DENND1A: variants seen among roughly 807,000 people sequenced by gnomAD.
DENND1A encodes DENN domain containing 1A.
A neutral mutation model predicts 113.7 loss-of-function variants in DENND1A; 51 were observed. That is an observed-to-expected ratio of 0.45 (90% CI 0.36 to 0.57). DENND1A has a LOEUF of 0.57. Among genes scored for constraint, DENND1A ranks in the 20% least tolerant of loss-of-function variants. DENND1A has a pLI of 0.00. For missense variants in DENND1A, 1,258 were observed against 1,395.9 expected (o/e 0.90, Z 1.57); for synonymous variants, 565 against 570.8 (o/e 0.99, Z 0.14).
chr9:123,818,621 A>G (rs1183612329), intron 2 of DENND1A, among the ~76,000 whole-genome samples: 1 of 151,860 alleles, frequency 6.6e-6, no homozygotes, highest in East Asian at 1.9e-4. Context: ...GTCTAAACAC[A>G]AAATTCATTT....
chr9:123,913,113 T>TAA (rs915063969), intron 1 of DENND1A, among the ~76,000 whole-genome samples: 104 of 86,630 alleles, frequency 1.2e-3, no homozygotes, highest in African/African-American at 1.6e-3. Context: ...AAAGACAGTT[T>TAA]AAAAAAAAAA....
intron 13 of DENND1A, among the ~76,000 whole-genome samples, chr9:123,473,222 G>A (rs2049597010): frequency 6.6e-6 from 1 of 152,180 alleles, no homozygotes; most frequent in Non-Finnish European, 1.5e-5. Context: ...TTCTGAAGAA[G>A]AGGCACACAG....
At chr9:123,640,772 A>G (rs1200538929) in intron 9 of DENND1A, among the ~76,000 whole-genome samples, 1 of 152,140 alleles carries the variant, frequency 6.6e-6, no homozygotes, top group African/African-American at 2.4e-5. Context: ...TACTATCCCC[A>G]TTTTCACAGA....
chr9:123,838,513 C>T (rs1295456287), intron 2 of DENND1A, among the ~76,000 whole-genome samples: 1 of 152,050 alleles, frequency 6.6e-6, no homozygotes, highest in Non-Finnish European at 1.5e-5. Context: ...TCTGCTAGTG[C>T]TTTAACTGAA....
chr9:123,419,835 C>T (rs978627374), intron 19 of DENND1A, among the ~76,000 whole-genome samples: 4 of 152,240 alleles, frequency 2.6e-5, no homozygotes, highest in Non-Finnish European at 4.4e-5. Context: ...TCGCTGTCTC[C>T]GATCCTCTCT....
intron 1 of DENND1A, among the ~76,000 whole-genome samples, chr9:123,913,004 C>G (rs572427610): frequency 6.7e-6 from 1 of 150,278 alleles, no homozygotes; most frequent in Non-Finnish European, 1.5e-5. Context: ...TGGATGTCAA[C>G]GGAAGCAGAG....
At chr9:123,735,495 A>G (rs1413755638) in intron 5 of DENND1A, among the ~76,000 whole-genome samples, 1 of 152,158 alleles carries the variant, frequency 6.6e-6, no homozygotes, top group Non-Finnish European at 1.5e-5. Context: ...TGCTCCCATG[A>G]TCTCTGAAGT....
rs1459835488 is a variant in DENND1A at position 123,915,717 on chromosome 9, TA to T, written c.17+14171del. 2.6e-5 allele frequency among the ~76,000 whole-genome samples: 4 copies of T among 152,190 alleles called. No individual in the cohort carries two copies. The East Asian group carries it at 5.8e-4, about 22-fold the overall frequency. ...GTTATGAGTTAACAACCAGAAAAACTAAAAATAGGGTCAGTTAATAAGAGTT... is the reference window on the plus strand; with the variant it reads ...GTTATGAGTTAACAACCAGAAAAACTAAAATAGGGTCAGTTAATAAGAGTT... On this transcript the variant is annotated intron_variant, in intron 1 of 23. Transcript: ENST00000394215.
intron 2 of DENND1A, among the ~76,000 whole-genome samples, chr9:123,821,631 T>C (rs1431591316): frequency 6.6e-6 from 1 of 152,210 alleles, no homozygotes; most frequent in Non-Finnish European, 1.5e-5. Context: ...TTCATGAGAT[T>C]TCATAAGAGT....
intron 13 of DENND1A, among the ~76,000 whole-genome samples, chr9:123,479,338 C>G (rs960463577): frequency 1.2e-4 from 19 of 152,236 alleles, no homozygotes; most frequent in African/African-American, 4.1e-4. Context: ...CAGGATCACT[C>G]CTGAACTCCA....
chr9:123,659,237 C>T (rs1425480478), intron 8 of DENND1A, among the ~76,000 whole-genome samples: 1 of 152,176 alleles, frequency 6.6e-6, no homozygotes, highest in African/African-American at 2.4e-5. Context: ...CCTATTTATC[C>T]TTTTTGTTGC....
intron 5 of DENND1A, among the ~76,000 whole-genome samples, chr9:123,740,698 C>A (rs1038431139): frequency 1.3e-5 from 2 of 152,038 alleles, no homozygotes; most frequent in African/African-American, 4.8e-5. Flanking sequence ...CATTATCTTT[C>A]TTTTACAGAT....
intron 2 of DENND1A, among the ~76,000 whole-genome samples, chr9:123,797,536 G>A (rs891740089): frequency 1.3e-5 from 2 of 152,078 alleles, no homozygotes; most frequent in Non-Finnish European, 1.5e-5. Flanking sequence ...AAAGTTTCTT[G>A]ATAAGATGAC....
At chr9:123,770,403 G>A (rs1052638438) in intron 3 of DENND1A, among the ~76,000 whole-genome samples, 4 of 152,034 alleles carry the variant, frequency 2.6e-5, no homozygotes, top group Non-Finnish European at 4.4e-5. Context: ...GAAAAAAACA[G>A]TACATGACAC....
At chr9:123,570,141 TTC>T (rs1485490565) in intron 12 of DENND1A, among the ~76,000 whole-genome samples, 1 of 152,162 alleles carries the variant, frequency 6.6e-6, no homozygotes, top group Non-Finnish European at 1.5e-5. Context: ...GGATGACTGT[TTC>T]TCAAGTGTTT....
At chr9:123,589,270 T>C (rs967073325) in intron 11 of DENND1A, among the ~76,000 whole-genome samples, 3 of 152,206 alleles carry the variant, frequency 2.0e-5, no homozygotes, top group Admixed American at 1.3e-4. Flanking sequence ...ATGAAATCTG[T>C]AGGCATAAAG....
intron 13 of DENND1A, among the ~76,000 whole-genome samples, chr9:123,556,462 G>A (rs988925243): frequency 2.0e-5 from 3 of 152,338 alleles, no homozygotes; most frequent in Non-Finnish European, 4.4e-5. Flanking sequence ...GGCTTACAAG[G>A]AAGCGTGACC....
At chr9:123,748,078 C>T (rs1223240874) in intron 5 of DENND1A, among the ~76,000 whole-genome samples, 1 of 152,178 alleles carries the variant, frequency 6.6e-6, no homozygotes, top group Non-Finnish European at 1.5e-5. Context: ...AAGAAATATT[C>T]TTTCACATTA....
intron 5 of DENND1A, among the ~76,000 whole-genome samples, chr9:123,692,433 C>A (rs982893327): frequency 2.6e-5 from 4 of 152,000 alleles, no homozygotes; most frequent in Non-Finnish European, 5.9e-5. Flanking sequence ...ATTCCCCTAA[C>A]CCAAGATAAA....
Sources: allele counts gnomAD v4.1 joint callset (sites outside exome capture counted in the v4.1 genomes callset), GRCh38; gene constraint gnomAD v4.1.1; transcripts MANE v1.5; gene names NCBI Gene and HGNC (gene_info 2026-07-23, HGNC 2026-07-21).